PLAT: variants seen among roughly 807,000 people sequenced by gnomAD.
PLAT encodes the protein tissue-type plasminogen activator.
PLAT carries 48 observed loss-of-function variants against 74.9 expected under a neutral mutation model. The observed-to-expected ratio is 0.64, with a 90% CI of 0.51 to 0.82. The LOEUF (loss-of-function observed/expected upper bound fraction) is 0.82, where lower values mean the gene tolerates loss of function less well. Among genes scored for constraint, PLAT ranks in the 40% least tolerant of loss-of-function variants. The probability of loss-of-function intolerance (pLI) is 0.00; values close to 1 mark genes in which losing one functional copy is unlikely to be tolerated. For synonymous variants in PLAT, 307 were observed against 294.4 expected, an observed-to-expected ratio of 1.04 and a Z score of -0.44; for missense variants, 673 against 736.2, an observed-to-expected ratio of 0.91 and a Z score of 0.99.
Position 42,180,673 on chromosome 8 carries a change from A to T in PLAT, c.902T>A (p.Leu301Gln). 2 of 1,571,746 alleles carry T rather than the reference A, an allele frequency of 1.3e-6. No individual in the cohort carries two copies. Residue 301 changes from leucine to glutamine, a missense_variant, in exon 10 of 14, where the codon CTG becomes CAG. Coordinates refer to ENST00000220809, the MANE Select transcript of PLAT (RefSeq NM_000930.5). ...CDVPSCSTCG[L>Q]RQYSQPQFRI... ...AAACTGAGGCTGGCTGTACTGTCTC[A>T]GGCCGCAGGTGGCTGGGGAGGAAAG...
At chr8:42,193,424 T>G (rs1410794771) in intron 1 of PLAT, among the ~76,000 whole-genome samples, 1 of 152,196 alleles carries the variant, frequency 6.6e-6, no homozygotes, top group Non-Finnish European at 1.5e-5. Flanking sequence ...ACCTTAACGA[T>G]GTTCAGTGCA....
intron 12 of PLAT, 135 bp downstream of exon 12, chr8:42,179,791 C>G: frequency 1.1e-6 from 1 of 879,402 alleles, no homozygotes; most frequent in Non-Finnish European, 1.7e-6. Context: ...CCCCACGACA[C>G]AGGGAGACGG....
In PLAT at chr8:42,191,389, C is replaced by G. The variant is rs1327030828; in HGVS notation, c.98G>C (p.Gly33Ala). ...CACCCGACCTTGGTAAGATCTGGCT[C>G]CTCTTCTGAATCGGGCATGGATTTC... ...SQEIHARFRRGARSYQVICRD... is the reference protein window; with the variant it reads ...SQEIHARFRRAARSYQVICRD... Residue 33 changes from glycine to alanine, a missense_variant, in exon 3 of 14, where the codon GGA (glycine) becomes GCA (alanine). Gly to Ala is a moderately conservative substitution (Grantham distance 60). Transcript: ENST00000220809. The G allele has an allele frequency of 6.2e-7, 1 of 1,614,140 alleles. No individual in the cohort carries two copies. The highest frequency in any genetic ancestry group is 2.2e-5 in the East Asian group (1 of 44,876).
intron 6 of PLAT, 155 bp from the exon 7 acceptor site, chr8:42,185,327 C>A: frequency 2.2e-6 from 1 of 457,322 alleles, no homozygotes; most frequent in South Asian, 4.2e-5. Flanking sequence ...TGCAGCGGCG[C>A]ATCTCCTCTC....
chr8:42,203,585 G>A lies in PLAT; in HGVS notation c.-27+3909C>T, dbSNP rs182787011. Among the ~76,000 whole-genome samples, 7 of 152,260 alleles carry A rather than the reference G, an allele frequency of 4.6e-5. No individual in the cohort carries two copies. In the East Asian group the frequency reaches 1.3e-3, roughly 29 times the overall value. ...TATTTTTGAGTGGATCAAGAATTGG[G>A]TTTATCTGTCCCTCTATCCCATTCT... On this transcript the variant is annotated intron_variant, in intron 1 of 13. Transcript: ENST00000220809.
intron 1 of PLAT, among the ~76,000 whole-genome samples, chr8:42,202,618 GC>G (rs560989529): frequency 0.035 from 5,338 of 152,212 alleles, 331 homozygotes; most frequent in African/African-American, 0.12. Context: ...CACCAGCCGT[GC>G]CCTGGCACAG....
rs752275824 is a variant in PLAT at position 42,180,516 on chromosome 8, G to A, written c.1059C>T (p.Leu353=). Residue 353 remains leucine (L), a synonymous_variant, in exon 10 of 14, where the codon CTC becomes CTT. Transcript: ENST00000220809. ...TCTCCTGGAAGCAGTGGGCGGCAGA[G>A]AGAATCCAGCAGGAGCTGATGAGTA... is the stretch of plus-strand genomic sequence containing the variant. ...GGILISSCWI[L]SAAHCFQERF... is the part of the protein sequence containing the mutation. The A allele has an allele frequency of 1.2e-6, 2 of 1,614,118 alleles. No homozygotes were observed. The highest frequency in any genetic ancestry group is 1.1e-5 in the South Asian group (1 of 91,086).
At chr8:42,207,181 T>A (rs1350094800) in intron 1 of PLAT, among the ~76,000 whole-genome samples, 1 of 152,178 alleles carries the variant, frequency 6.6e-6, no homozygotes, top group Admixed American at 6.5e-5. Flanking sequence ...CATAGGCTAT[T>A]TGGGGCTTTT....
intron 3 of PLAT, among the ~76,000 whole-genome samples, chr8:42,190,873 TC>T (rs1416566400): frequency 1.3e-5 from 2 of 152,112 alleles, no homozygotes; most frequent in Admixed American, 6.5e-5. Flanking sequence ...CCCGGTTGGA[TC>T]AACAGAGGGA....
At chr8:42,187,745 T>A (rs1171534306) in intron 5 of PLAT, among the ~76,000 whole-genome samples, 161 bp downstream of exon 5, 1 of 152,200 alleles carries the variant, frequency 6.6e-6, no homozygotes, top group African/African-American at 2.4e-5. Flanking sequence ...TAGGCTCTGC[T>A]TGCTGTGTGG....
chr8:42,199,377 C>T (rs1806040547), intron 1 of PLAT, among the ~76,000 whole-genome samples: 1 of 152,152 alleles, frequency 6.6e-6, no homozygotes, highest in South Asian at 2.1e-4. Context: ...GAGGCTGAGG[C>T]AGGAGCATCA....
rs1457959883 is a variant in PLAT, at chr8:42,181,961, C to T, written c.865G>A (p.Glu289Lys). The T allele has an allele frequency of 6.2e-7, 1 of 1,612,078 alleles. No homozygotes were observed. The change falls in exon 9 of 14, where the codon GAG (glutamate) becomes AAG (lysine). Residue 289 changes from glutamate (E) to lysine (K), a missense_variant. Physicochemically the swap from Glu to Lys is moderately conservative, Grantham distance 56 (BLOSUM62 1). Transcript: ENST00000220809. The stretch of plus-strand genomic sequence containing the variant: ...CAGCAGGAGGGCACATCACAGTACT[C>T]CCACGTCAGCCTGCGGTTCTTCAGC... ...HVLKNRRLTW[E>K]YCDVPSCSTC... is the part of the protein sequence containing the mutation.
chr8:42,195,291 C>A (rs560287815), intron 1 of PLAT, among the ~76,000 whole-genome samples: 1 of 152,192 alleles, frequency 6.6e-6, no homozygotes, highest in East Asian at 1.9e-4. Context: ...AGATTCTCCC[C>A]GGGCTCCTGT....
intron 1 of PLAT, among the ~76,000 whole-genome samples, chr8:42,204,114 C>T (rs1020259414): frequency 1.1e-4 from 16 of 151,506 alleles, no homozygotes; most frequent in Non-Finnish European, 2.1e-4. Context: ...TGTGGCTTGA[C>T]TTAGGGTTGG....
At chr8:42,187,157 G>T (rs573249178) in intron 6 of PLAT, 2 of 400,984 alleles carry the variant, frequency 5.0e-6, no homozygotes, top group Non-Finnish European at 8.9e-6. Flanking sequence ...TCCATCTACC[G>T]TCTATTTATC....
In PLAT at chr8:42,179,948, G is replaced by A. The variant is rs762658699; in HGVS notation, c.1341C>T (p.Ser447=). Residue 447 remains serine (S), a synonymous_variant, in exon 12 of 14, where the codon TCC becomes TCT. Coordinates refer to ENST00000220809, the MANE Select transcript of PLAT (RefSeq NM_000930.5). Reference sequence around the variant, plus strand: ...TACAGGCCTCATGCTTGCCGTAGCCGGAGAGCTCACACTCCGTCCAGTCCG... The same window carrying A: ...TACAGGCCTCATGCTTGCCGTAGCCAGAGAGCTCACACTCCGTCCAGTCCG... ...QLPDWTECEL[S]GYGKHEALSP... The A allele has an allele frequency of 1.1e-5, 17 of 1,603,564 alleles. No homozygotes were observed. Among genetic ancestry groups the A allele is most frequent in the South Asian group, 6.7e-5 (6 of 89,808 alleles).
At chr8:42,179,852 A>C in intron 12 of PLAT, 74 bp downstream of exon 12, 1 of 1,428,264 alleles carries the variant, frequency 7.0e-7, no homozygotes, top group Non-Finnish European at 9.3e-7. Context: ...TCCTGACCCC[A>C]TTTTCCTCTG....
At chr8:42,188,055 CCTT>C (rs1331414404) in intron 4 of PLAT, 39 bp from the exon 5 acceptor site, 4 of 1,238,350 alleles carry the variant, frequency 3.2e-6, no homozygotes, top group Non-Finnish European at 3.5e-6. Context: ...ATGACAGCCT[CCTT>C]CTGTGTGCTC....
intron 7 of PLAT, among the ~76,000 whole-genome samples, chr8:42,184,253 A>G (rs911277795): frequency 6.6e-6 from 1 of 152,014 alleles, no homozygotes; most frequent in African/African-American, 2.4e-5. Context: ...ATATATATTT[A>G]GAACTTAAAA....
Sources: gnomAD v4.1 joint callset for allele counts (sites outside exome capture counted in the v4.1 genomes callset) on GRCh38, gnomAD v4.1.1 for gene constraint, MANE v1.5 for transcripts, NCBI Gene and HGNC (gene_info 2026-07-23, HGNC 2026-07-21) for gene names.